ROBO1: variants seen among roughly 807,000 people sequenced by gnomAD.
The protein encoded by ROBO1 is roundabout homolog 1.
Under a neutral mutation model 195.9 loss-of-function variants are expected in ROBO1, and 149 were observed. The observed-to-expected ratio is 0.76, with a 90% CI of 0.67 to 0.87. ROBO1 has a LOEUF of 0.87. Among genes scored for constraint, ROBO1 ranks in the 40% least tolerant of loss-of-function variants. The pLI, the probability that ROBO1 is intolerant of heterozygous loss-of-function variation, is 0.00. For missense variants in ROBO1, 1,933 were observed against 2,068.3 expected (o/e 0.93, Z 1.27); for synonymous variants, 816 against 733.2 (o/e 1.11, Z -1.82).
chr3:79,525,153 CA>C (rs1331844404), intron 2 of ROBO1, among the ~76,000 whole-genome samples: 2 of 150,694 alleles, frequency 1.3e-5, no homozygotes, highest in Admixed American at 6.6e-5. Flanking sequence ...GTTTATCAAA[CA>C]AAAAAATTGG....
At chr3:78,723,143 C>A (rs1257332427) in intron 5 of ROBO1, among the ~76,000 whole-genome samples, 1 of 152,082 alleles carries the variant, frequency 6.6e-6, no homozygotes, top group East Asian at 1.9e-4. Context: ...CTGAAAAATT[C>A]CTAGTGATGT....
rs1469622826 is a variant in ROBO1, at chr3:78,631,206, G to T, written c.3581C>A (p.Pro1194His). 3 of 1,613,002 alleles carry T rather than the reference G, an allele frequency of 1.9e-6. No homozygotes were observed. The highest frequency in any genetic ancestry group is 2.5e-6 in the Non-Finnish European group (3 of 1,179,536). The change falls in exon 25 of 31, where the codon CCT becomes CAT. Residue 1194 changes from proline to histidine, a missense_variant. Coordinates refer to ENST00000464233, the MANE Select transcript of ROBO1 (RefSeq NM_002941.4). ...DLLPPPPAHP[P>H]PHSNSEEYNI... Reference sequence around the variant, plus strand: ...GTACTCTTCGCTATTGCTGTGTGGAGGAGGATGTGCTGGGGGAGGAGGAAG... The same window carrying T: ...GTACTCTTCGCTATTGCTGTGTGGATGAGGATGTGCTGGGGGAGGAGGAAG...
At chr3:78,612,533 T>G (rs1000104734) in intron 28 of ROBO1, among the ~76,000 whole-genome samples, 1 of 152,238 alleles carries the variant, frequency 6.6e-6, no homozygotes, top group African/African-American at 2.4e-5. Flanking sequence ...CCAGCGTGTC[T>G]GCATTTCTTT....
In ROBO1 at chr3:78,858,321, G is replaced by C. The variant is rs140796857; in HGVS notation, c.499+80280C>G. 2.0e-5 allele frequency among the ~76,000 whole-genome samples: 3 copies of C among 152,116 alleles called. No individual in the cohort carries two copies. In the East Asian group the frequency reaches 5.8e-4, roughly 29 times the overall value. The stretch of plus-strand genomic sequence containing the variant: ...TCATCTCAGACCCCTCCTTCACCAG[G>C]ACCAAAGGCAGACTGTTGATGATGA... On this transcript the variant is annotated intron_variant, in intron 4 of 30. Transcript: ENST00000464233.
At chr3:79,718,258 C>G (rs532855562) in intron 1 of ROBO1, among the ~76,000 whole-genome samples, 38 of 151,834 alleles carry the variant, frequency 2.5e-4, no homozygotes, top group Non-Finnish European at 4.6e-4. Context: ...GAACAAATTT[C>G]AAGGCAATAA....
At chr3:79,363,947 G>A (rs954657821) in intron 2 of ROBO1, among the ~76,000 whole-genome samples, 8 of 152,104 alleles carry the variant, frequency 5.3e-5, no homozygotes, top group African/African-American at 1.9e-4. Context: ...AAAGGTGCCT[G>A]TAATCCCAGC....
intron 2 of ROBO1, among the ~76,000 whole-genome samples, chr3:79,317,615 C>T (rs904787055): frequency 2.8e-4 from 42 of 152,052 alleles, no homozygotes; most frequent in African/African-American, 9.9e-4. Flanking sequence ...ATTCTGTTAC[C>T]GTGTATCTTG....
intron 1 of ROBO1, among the ~76,000 whole-genome samples, chr3:79,625,938 C>T (rs1350494415): frequency 6.6e-6 from 1 of 152,180 alleles, no homozygotes; most frequent in African/African-American, 2.4e-5. Flanking sequence ...TCCTGATAAA[C>T]ATCTATACAA....
intron 4 of ROBO1, among the ~76,000 whole-genome samples, chr3:78,936,171 T>C (rs951518913): frequency 2.6e-5 from 4 of 152,030 alleles, no homozygotes; most frequent in Non-Finnish European, 5.9e-5. Context: ...ATTATTTCTA[T>C]ACAGAAATAA....
chr3:79,156,041 C>A (rs1327930582), intron 2 of ROBO1, among the ~76,000 whole-genome samples: 1 of 151,704 alleles, frequency 6.6e-6, no homozygotes, highest in Non-Finnish European at 1.5e-5. Flanking sequence ...TTAGCTACAG[C>A]CAGCTTTTCC....
At chr3:78,747,381 A>C (rs564564176) in intron 4 of ROBO1, among the ~76,000 whole-genome samples, 1 of 152,232 alleles carries the variant, frequency 6.6e-6, no homozygotes, top group South Asian at 2.1e-4. Context: ...GCAATATTTT[A>C]TAAATATATA....
intron 2 of ROBO1, among the ~76,000 whole-genome samples, chr3:79,501,170 T>C (rs1559945172): frequency 6.6e-6 from 1 of 152,230 alleles, no homozygotes; most frequent in Non-Finnish European, 1.5e-5. Flanking sequence ...ATCTATTGAC[T>C]ATGGCTGTAT....
At chr3:78,871,583 T>C (rs2035547942) in intron 4 of ROBO1, among the ~76,000 whole-genome samples, 2 of 152,078 alleles carry the variant, frequency 1.3e-5, no homozygotes, top group Non-Finnish European at 2.9e-5. Context: ...AAAATTAGGT[T>C]GCTACTTTTG....
At chr3:78,646,608 G>GAAAAAAA (rs35671439) in intron 20 of ROBO1, among the ~76,000 whole-genome samples, 1 of 146,182 alleles carries the variant, frequency 6.8e-6, no homozygotes. Context: ...TTAAACTCAG[G>GAAAAAAA]AAAAAAAAAA....
intron 2 of ROBO1, among the ~76,000 whole-genome samples, chr3:79,218,227 A>C (rs940637326): frequency 6.6e-6 from 1 of 151,998 alleles, no homozygotes; most frequent in African/African-American, 2.4e-5. Flanking sequence ...ACTATCTAAA[A>C]ATTAGGAAAT....
At chr3:78,919,557 C>G (rs1330368344) in intron 4 of ROBO1, among the ~76,000 whole-genome samples, 2 of 152,144 alleles carry the variant, frequency 1.3e-5, no homozygotes, top group East Asian at 1.9e-4. Flanking sequence ...ATTGTCCTGT[C>G]AATATCTAGG....
At chr3:79,734,870 A>G (rs1703311719) in intron 1 of ROBO1, among the ~76,000 whole-genome samples, 1 of 152,184 alleles carries the variant, frequency 6.6e-6, no homozygotes, top group Admixed American at 6.5e-5. Context: ...AAAAATAGCT[A>G]ACCCTGGGCA....
At chr3:78,925,770 C>A (rs2039177351) in intron 4 of ROBO1, among the ~76,000 whole-genome samples, 1 of 151,886 alleles carries the variant, frequency 6.6e-6, no homozygotes, top group Non-Finnish European at 1.5e-5. Context: ...AGAGGGTGGT[C>A]CATTTATGGT....
chr3:78,723,678 G>T (rs1022697306), intron 5 of ROBO1, among the ~76,000 whole-genome samples: 1 of 151,960 alleles, frequency 6.6e-6, no homozygotes, highest in African/African-American at 2.4e-5. Context: ...AAGGGTGTGT[G>T]GGGGGCGATG....
Sources: allele counts gnomAD v4.1 joint callset (sites outside exome capture counted in the v4.1 genomes callset), GRCh38; gene constraint gnomAD v4.1.1; transcripts MANE v1.5; gene names NCBI Gene and HGNC (gene_info 2026-07-23, HGNC 2026-07-21).